The following MTCL2 variants were observed in gnomAD, a reference collection of about 807,000 sequenced individuals.
MTCL2 encodes microtubule crosslinking factor 2, also known as microtubule cross-linking factor 2.
At chr20:36,859,870 C>T in the MTCL2 span, 5 of 1,231,496 alleles carry the variant, frequency 4.1e-6, no homozygotes, top group Middle Eastern at 3.1e-4. Flanking sequence ...GCAGAAAACA[C>T]ATCAAGAGTC....
chr20:36,841,976 C>G, the MTCL2 span, among the ~76,000 whole-genome samples: 1 of 151,406 alleles, frequency 6.6e-6, no homozygotes, highest in African/African-American at 2.4e-5. Context: ...AGCAATCTGC[C>G]TAGCTCAGCA....
chr20:36,847,974 C>T, the MTCL2 span, among the ~76,000 whole-genome samples: 2 of 151,978 alleles, frequency 1.3e-5, no homozygotes, highest in African/African-American at 4.8e-5. Context: ...AGTGAGTCTC[C>T]GTCTCTACAA....
the MTCL2 span, chr20:36,809,953 C>T: frequency 1.3e-6 from 2 of 1,585,830 alleles, no homozygotes; most frequent in Non-Finnish European, 1.7e-6. Flanking sequence ...GTAGGAATAG[C>T]TGCCTGGAAA....
the MTCL2 span, among the ~76,000 whole-genome samples, chr20:36,825,477 G>A: frequency 6.6e-6 from 1 of 152,152 alleles, no homozygotes; most frequent in Non-Finnish European, 1.5e-5. Flanking sequence ...CACTCGTATT[G>A]GCTTTCTGCC....
the MTCL2 span, chr20:36,793,667 G>A: frequency 6.5e-7 from 1 of 1,550,150 alleles, no homozygotes; most frequent in Non-Finnish European, 8.7e-7. This position sits in a 1 kb window ranked among gnomAD's most constrained non-coding sequence, Gnocchi z 6.8. Context: ...GCGGGCCCAG[G>A]CCGAGCCGTT....
At chr20:36,843,247 G>A in the MTCL2 span, among the ~76,000 whole-genome samples, 3 of 152,214 alleles carry the variant, frequency 2.0e-5, no homozygotes, top group African/African-American at 4.8e-5. Context: ...AGCCTGGTAG[G>A]ATGGCTCCCT....
chr20:36,796,808 G>A, the MTCL2 span: 12 of 1,447,656 alleles, frequency 8.3e-6, no homozygotes, highest in East Asian at 6.8e-5. Flanking sequence ...GGTGCAGGGC[G>A]CAGCAGGAGG....
At chr20:36,830,971 G>A in the MTCL2 span, among the ~76,000 whole-genome samples, 2 of 152,172 alleles carry the variant, frequency 1.3e-5, no homozygotes, top group East Asian at 1.9e-4. Context: ...GACAAAGGGT[G>A]GGCAGATGTC....
At chr20:36,853,182 C>T in the MTCL2 span, among the ~76,000 whole-genome samples, 4 of 152,166 alleles carry the variant, frequency 2.6e-5, no homozygotes, top group African/African-American at 9.7e-5. Flanking sequence ...CTCACCACGT[C>T]CTGCTCCTCT....
the MTCL2 span, chr20:36,784,138 C>T: frequency 6.1e-6 from 6 of 985,518 alleles, no homozygotes; most frequent in East Asian, 1.1e-4. Flanking sequence ...CCCTGGCTGT[C>T]GCTCTGGGAG....
the MTCL2 span, chr20:36,802,738 A>T: frequency 8.0e-7 from 1 of 1,257,592 alleles, no homozygotes; most frequent in Non-Finnish European, 1.1e-6. Flanking sequence ...ATGGTGTGCC[A>T]GACCTCACTG....
the MTCL2 span, chr20:36,786,642 G>A: frequency 9.0e-6 from 14 of 1,548,062 alleles, no homozygotes; most frequent in African/African-American, 1.4e-5. Flanking sequence ...AGCGTCCTAG[G>A]AAGAGGGAGG....
chr20:36,858,197 T>C, the MTCL2 span, among the ~76,000 whole-genome samples: 11 of 152,118 alleles, frequency 7.2e-5, no homozygotes, highest in Admixed American at 5.9e-4. Context: ...AGCCTCCATT[T>C]ACTGATCTGT....
At chr20:36,794,591 G>T in the MTCL2 span, 1 of 1,614,034 alleles carries the variant, frequency 6.2e-7, no homozygotes, top group East Asian at 2.2e-5. This position sits in a 1 kb window ranked among gnomAD's most constrained non-coding sequence, Gnocchi z 5.4. Context: ...GGAAGAAACA[G>T]ATTTGGTTCT....
At chr20:36,796,978 G>C in the MTCL2 span, 1 of 1,610,680 alleles carries the variant, frequency 6.2e-7, no homozygotes. Flanking sequence ...GACAGGAAGG[G>C]TCAGTTCTGG....
At chr20:36,786,465 C>A in the MTCL2 span, 1 of 1,515,730 alleles carries the variant, frequency 6.6e-7, no homozygotes, top group Non-Finnish European at 8.8e-7. Flanking sequence ...CTGGTTGAGG[C>A]GGGGAGCTTG....
At chr20:36,816,869 C>T in the MTCL2 span, among the ~76,000 whole-genome samples, 1 of 152,164 alleles carries the variant, frequency 6.6e-6, no homozygotes, top group Non-Finnish European at 1.5e-5. Context: ...TGTAGTGCTG[C>T]TTGCTAAGTT....
the MTCL2 span, chr20:36,786,524 G>A: frequency 6.4e-7 from 1 of 1,550,390 alleles, no homozygotes; most frequent in African/African-American, 1.4e-5. Flanking sequence ...CCCCACCCCA[G>A]CTGGACTCTG....
the MTCL2 span, chr20:36,785,150 C>T: frequency 3.0e-6 from 3 of 985,368 alleles, no homozygotes; most frequent in African/African-American, 5.2e-5. Flanking sequence ...GTTCTGAGGC[C>T]ACATGGCCAG....
Sources: gnomAD v4.1 joint callset for allele counts (sites outside exome capture counted in the v4.1 genomes callset) on GRCh38, gnomAD v4.1.1 for gene constraint, Gnocchi (gnomAD v3.1) non-coding constraint, MANE v1.5 for transcripts, NCBI Gene and HGNC (gene_info 2026-07-23, HGNC 2026-07-21) for gene names.